PDE1A: variants seen among roughly 807,000 people sequenced by gnomAD.
The protein encoded by PDE1A is dual specificity calcium/calmodulin-dependent 3',5'-cyclic nucleotide phosphodiesterase 1A.
In PDE1A, 35 loss-of-function variants were observed where a neutral mutation model predicts 61.7. The observed-to-expected ratio is 0.57, with a 90% CI of 0.43 to 0.75. PDE1A has a LOEUF of 0.75. Ranked by LOEUF, PDE1A falls within the 30% of genes least tolerant of loss-of-function variation. The pLI, the probability that PDE1A is intolerant of heterozygous loss-of-function variation, is 0.00. For synonymous variants in PDE1A, 232 were observed against 213.2 expected (o/e 1.09, Z -0.77); for missense variants, 597 against 630.6 (o/e 0.95, Z 0.57).
intron 2 of PDE1A, among the ~76,000 whole-genome samples, chr2:182,519,831 G>A (rs1304813627): frequency 1.3e-5 from 2 of 151,466 alleles, no homozygotes; most frequent in Non-Finnish European, 3.0e-5. Flanking sequence ...TTTCACCTTT[G>A]TCTCTATTTT....
intron 1 of PDE1A, among the ~76,000 whole-genome samples, chr2:182,352,655 T>TG (rs1698952517): frequency 6.6e-6 from 1 of 150,844 alleles, no homozygotes; most frequent in South Asian, 2.1e-4. Context: ...ACTCTGTTGT[T>TG]TTTTTTTTTT....
At chr2:182,438,755 C>G (rs1407964670) in intron 2 of PDE1A, among the ~76,000 whole-genome samples, 1 of 151,794 alleles carries the variant, frequency 6.6e-6, no homozygotes, top group South Asian at 2.1e-4. Context: ...TTATAGAGAC[C>G]AAATTATATA....
downstream of PDE1A, among the ~76,000 whole-genome samples, chr2:182,146,235 T>C (rs1309906232): frequency 6.6e-6 from 1 of 152,188 alleles, no homozygotes; most frequent in Non-Finnish European, 1.5e-5. Flanking sequence ...CCAGAGTTAA[T>C]AATTTGGTAG....
At chr2:182,523,756 T>C (rs1477724708), upstream of PDE1A, among the ~76,000 whole-genome samples, 1 of 152,178 alleles carries the variant, frequency 6.6e-6, no homozygotes, top group South Asian at 2.1e-4. Flanking sequence ...TGTTCAACAG[T>C]TGAGAAAACT....
chr2:182,349,619 A>C (rs1317166642), intron 1 of PDE1A, among the ~76,000 whole-genome samples: 1 of 152,120 alleles, frequency 6.6e-6, no homozygotes, highest in Non-Finnish European at 1.5e-5. Context: ...CCTTCTAGAC[A>C]TGGTACTTGA....
chr2:182,342,765 A>T (rs984359532), intron 1 of PDE1A, among the ~76,000 whole-genome samples: 1 of 152,248 alleles, frequency 6.6e-6, no homozygotes, highest in African/African-American at 2.4e-5. Context: ...AGAAATAGTC[A>T]TCATTTATAT....
At chr2:182,506,788 T>C (rs1379569769) in intron 2 of PDE1A, among the ~76,000 whole-genome samples, 1 of 152,216 alleles carries the variant, frequency 6.6e-6, no homozygotes, top group East Asian at 1.9e-4. Context: ...GTATGACCTG[T>C]TGTCAGGGCA....
At chr2:182,404,492 C>A (rs900699299) in intron 1 of PDE1A, among the ~76,000 whole-genome samples, 1 of 152,158 alleles carries the variant, frequency 6.6e-6, no homozygotes, top group Non-Finnish European at 1.5e-5. Flanking sequence ...CTTACTGTAA[C>A]TGTTTCATTT....
At chr2:182,493,653 T>C (rs1298087715) in intron 2 of PDE1A, among the ~76,000 whole-genome samples, 1 of 152,162 alleles carries the variant, frequency 6.6e-6, no homozygotes, top group Non-Finnish European at 1.5e-5. Flanking sequence ...TTATTCACAA[T>C]AGCAAAGATT....
the PDE1A span, among the ~76,000 whole-genome samples, chr2:182,686,647 G>A: frequency 6.1e-3 from 929 of 152,322 alleles, 3 homozygotes; most frequent in South Asian, 0.012. Context: ...CTGAGGTACC[G>A]GGTTCATCTC....
In PDE1A at chr2:182,152,148, G is replaced by A. The variant is rs578220232; in HGVS notation, c.1517-4996C>T. On this transcript the variant is annotated intron_variant, in intron 13 of 13. Coordinates refer to the PDE1A transcript ENST00000409365. ...ATAAGAAGAATATTACCTTTGCTATGTATAATAGTATTTCCTTAGGCATAT... is the reference window on the plus strand; with the variant it reads ...ATAAGAAGAATATTACCTTTGCTATATATAATAGTATTTCCTTAGGCATAT... Among the ~76,000 whole-genome samples, 19 of 152,226 alleles carry A rather than the reference G, an allele frequency of 1.2e-4. No individual in the cohort carries two copies. The South Asian group carries it at 1.9e-3, about 15-fold the overall frequency.
intron 2 of PDE1A, among the ~76,000 whole-genome samples, chr2:182,435,121 T>C (rs1228857536): frequency 1.3e-5 from 2 of 151,988 alleles, no homozygotes; most frequent in East Asian, 3.9e-4. Flanking sequence ...AAACTTCCTA[T>C]AAGTAGTGTA....
chr2:182,449,342 G>T (rs763320739), intron 2 of PDE1A, among the ~76,000 whole-genome samples: 73 of 151,300 alleles, frequency 4.8e-4, no homozygotes, highest in Middle Eastern at 6.8e-3. Context: ...AGAAAGGAAA[G>T]AAGGAAGGAA....
At chr2:182,366,835 G>GCT (rs1474833423) in intron 1 of PDE1A, among the ~76,000 whole-genome samples, 2 of 151,982 alleles carry the variant, frequency 1.3e-5, no homozygotes, top group Non-Finnish European at 1.5e-5. Context: ...GGCAGTCGTG[G>GCT]CTAATGTGGA....
the PDE1A span, among the ~76,000 whole-genome samples, chr2:182,593,111 CT>C: frequency 1.3e-5 from 2 of 152,162 alleles, no homozygotes; most frequent in Admixed American, 6.5e-5. Flanking sequence ...TTCTATGCCC[CT>C]GAGAGTCTTC....
the PDE1A span, among the ~76,000 whole-genome samples, chr2:182,623,506 A>G: frequency 6.6e-6 from 1 of 152,196 alleles, no homozygotes; most frequent in Admixed American, 6.5e-5. Context: ...TAATGCACAG[A>G]AGAGAGTGTC....
At chr2:182,460,145 A>G (rs1686183850) in intron 2 of PDE1A, among the ~76,000 whole-genome samples, 1 of 152,114 alleles carries the variant, frequency 6.6e-6, no homozygotes, top group African/African-American at 2.4e-5. Context: ...TTTCCTAAAA[A>G]TACAAATCTG....
chr2:182,473,480 G>C (rs1350977989), intron 2 of PDE1A, among the ~76,000 whole-genome samples: 2 of 151,576 alleles, frequency 1.3e-5, no homozygotes, highest in East Asian at 3.9e-4. Flanking sequence ...ACATGAACAG[G>C]CACTTTTTTT....
intron 7 of PDE1A, among the ~76,000 whole-genome samples, chr2:182,212,393 A>C (rs540221277): frequency 6.4e-4 from 97 of 152,298 alleles, no homozygotes; most frequent in African/African-American, 2.2e-3. Context: ...ATCTTTTAGA[A>C]TACAATACAT....
Sources: gnomAD v4.1 joint callset for allele counts (sites outside exome capture counted in the v4.1 genomes callset) on GRCh38, gnomAD v4.1.1 for gene constraint, MANE v1.5 for transcripts, NCBI Gene and HGNC (gene_info 2026-07-23, HGNC 2026-07-21) for gene names.